Variants in CFAP54 observed in about 807,000 individuals in gnomAD.
The protein encoded by CFAP54 is cilia and flagella associated protein 54.
CFAP54 carries 290 observed loss-of-function variants against 370.4 expected under a neutral mutation model. The ratio of observed to expected loss-of-function variants is 0.78; its 90% CI spans 0.71 to 0.86. The LOEUF (loss-of-function observed/expected upper bound fraction) is 0.86, where lower values mean the gene tolerates loss of function less well. Among genes scored for constraint, CFAP54 ranks in the 40% least tolerant of loss-of-function variants. CFAP54 has a pLI of 0.00. For missense variants in CFAP54, 3,399 were observed against 3,528.7 expected (o/e 0.96, Z 0.93); for synonymous variants, 1,206 against 1,236.5 (o/e 0.98, Z 0.52).
At chr12:96,583,941 C>A (rs1395493711) in intron 22 of CFAP54, among the ~76,000 whole-genome samples, 1 of 152,086 alleles carries the variant, frequency 6.6e-6, no homozygotes, top group Non-Finnish European at 1.5e-5. Flanking sequence ...TCTTTTTATT[C>A]TCTCCCTGTG....
intron 66 of CFAP54, among the ~76,000 whole-genome samples, chr12:96,849,011 A>T (rs1959457832): frequency 6.6e-6 from 1 of 152,318 alleles, no homozygotes; most frequent in African/African-American, 2.4e-5. Context: ...GGTCCCTCTC[A>T]TCTGGAACCT....
chr12:96,714,958 C>T (rs370684016), intron 48 of CFAP54, among the ~76,000 whole-genome samples: 1 of 152,052 alleles, frequency 6.6e-6, no homozygotes, highest in Non-Finnish European at 1.5e-5. Flanking sequence ...CCCTACATGG[C>T]AACATAAAAT....
intron 51 of CFAP54, among the ~76,000 whole-genome samples, chr12:96,740,950 A>G (rs143080696): frequency 1.5e-3 from 235 of 152,314 alleles, no homozygotes; most frequent in Middle Eastern, 3.4e-3. Flanking sequence ...ATCTGGCCCT[A>G]AATAGGTCAG....
At chr12:96,558,903 T>C (rs10860053) in intron 17 of CFAP54, among the ~76,000 whole-genome samples, 13,994 of 152,148 alleles carry the variant, frequency 0.092, 1,113 homozygotes, top group East Asian at 0.45. Flanking sequence ...AAAAAGCTTC[T>C]GCCCAGCAAA....
intron 17 of CFAP54, among the ~76,000 whole-genome samples, chr12:96,555,602 T>C (rs1664612918): frequency 6.7e-6 from 1 of 149,240 alleles, no homozygotes; most frequent in South Asian, 2.1e-4. Context: ...GTAATTATAT[T>C]TCTATACAAC....
At chr12:96,695,040 A>AC (rs1304443914) in intron 45 of CFAP54, among the ~76,000 whole-genome samples, 1 of 152,144 alleles carries the variant, frequency 6.6e-6, no homozygotes, top group Non-Finnish European at 1.5e-5. Context: ...AAAAACAAAA[A>AC]AAAACAAAAA....
chr12:96,840,886 G>T (rs535406205), intron 66 of CFAP54, among the ~76,000 whole-genome samples: 262 of 152,136 alleles, frequency 1.7e-3, no homozygotes, highest in Non-Finnish European at 3.0e-3. Flanking sequence ...TGTCAAATTT[G>T]GCTAAGGGAA....
chr12:96,589,643 TA>T (rs1956106647), intron 23 of CFAP54, 80 bp downstream of exon 23: 1 of 889,356 alleles, frequency 1.1e-6, no homozygotes, highest in Non-Finnish European at 1.7e-6. Context: ...GAATTATTTT[TA>T]ATATCATGTT....
chr12:96,750,849 C>G (rs1487793969), intron 55 of CFAP54, among the ~76,000 whole-genome samples: 1 of 152,184 alleles, frequency 6.6e-6, no homozygotes, highest in African/African-American at 2.4e-5. Flanking sequence ...CCCAAAGCAG[C>G]TTTTCTGTCA....
Position 96,518,994 on chromosome 12 carries a change from T to C in CFAP54, c.865T>C (p.Tyr289His), listed in dbSNP as rs1462229542. The C allele has an allele frequency of 6.5e-7, 1 of 1,535,988 alleles. No individual in the cohort carries two copies. The highest frequency in any genetic ancestry group is 2.4e-5 in the East Asian group (1 of 40,910). Residue 289 changes from tyrosine to histidine, a missense_variant, in exon 6 of 68, where the codon TAC becomes CAC. Coordinates refer to ENST00000524981, the MANE Select transcript of CFAP54 (RefSeq NM_001306084.2). ...CTTGGTCCCGCTCCTGTCACTCAGG[T>C]ACTTGACATGGCGCGCTACTCTCTA... The part of the protein sequence containing the change: ...ESLVPLLSLR[Y>H]LTWRATLYTA...
intron 1 of CFAP54, among the ~76,000 whole-genome samples, chr12:96,491,146 A>G (rs1312668895): frequency 2.0e-5 from 3 of 152,006 alleles, no homozygotes; most frequent in African/African-American, 7.2e-5. Context: ...GAGTGTTGCA[A>G]TTTTAAATGG....
In CFAP54 at chr12:96,554,754, AT is replaced by A; in HGVS notation, c.2364del (p.Gln789LysfsTer6). The A allele has an allele frequency of 6.5e-7, 1 of 1,535,028 alleles. No individual in the cohort carries two copies. Among genetic ancestry groups the A allele is most frequent in the Non-Finnish European group, 8.7e-7 (1 of 1,146,160 alleles). On this transcript the variant is annotated frameshift_variant, in exon 17 of 68. Transcript: ENST00000524981. LOFTEE classifies it high-confidence loss of function. ...CATGATGGATTTGCATCTTGAACTA[AT>A]TCAAGCTCAGCATCGAATAGCTGTT... ...SFMMDLHLEL[I>X]QAQHRIAVVL...
At chr12:96,582,039 G>A (rs751033529) in intron 22 of CFAP54, among the ~76,000 whole-genome samples, 4 of 152,128 alleles carry the variant, frequency 2.6e-5, no homozygotes, top group Non-Finnish European at 4.4e-5. Flanking sequence ...AGTAGAGGCA[G>A]AGAGACCTGA....
At chr12:96,490,001 G>T in intron 1 of CFAP54, 75 bp downstream of exon 1, 1 of 1,362,254 alleles carries the variant, frequency 7.3e-7, no homozygotes, top group South Asian at 1.4e-5. Flanking sequence ...GGATGCAGGT[G>T]GTGGCCCCAG....
chr12:96,601,327 G>A (rs936664476), intron 26 of CFAP54, among the ~76,000 whole-genome samples: 9 of 152,164 alleles, frequency 5.9e-5, no homozygotes, highest in African/African-American at 2.2e-4. Flanking sequence ...TGGTGGATAA[G>A]CTTTTTGATG....
chr12:96,860,134 ATTTTTT>A (rs137937553), intron 66 of CFAP54, among the ~76,000 whole-genome samples: 4,997 of 127,950 alleles, frequency 0.039, 246 homozygotes, highest in African/African-American at 0.12. Context: ...TTGTTCTCTA[ATTTTTT>A]TTTTTTTTTT....
intron 36 of CFAP54, among the ~76,000 whole-genome samples, chr12:96,656,466 C>T (rs1956924539): frequency 1.3e-5 from 2 of 152,204 alleles, no homozygotes; most frequent in Non-Finnish European, 2.9e-5. Flanking sequence ...CAACCTCCAC[C>T]TCCTGGGTTC....
chr12:96,806,078 G>A (rs974047224), intron 63 of CFAP54, among the ~76,000 whole-genome samples: 1 of 144,390 alleles, frequency 6.9e-6, no homozygotes, highest in Non-Finnish European at 1.5e-5. Context: ...GATGGGTAAG[G>A]GTTGAAAAAT....
At chr12:96,614,540 A>C (rs1035739026) in intron 26 of CFAP54, among the ~76,000 whole-genome samples, 48 of 152,190 alleles carry the variant, frequency 3.2e-4, no homozygotes, top group African/African-American at 1.2e-3. Flanking sequence ...AAAGAAATAA[A>C]GGGTATTCAA....
Sources: gnomAD v4.1 joint callset for allele counts (sites outside exome capture counted in the v4.1 genomes callset) on GRCh38, gnomAD v4.1.1 for gene constraint, MANE v1.5 for transcripts, NCBI Gene and HGNC (gene_info 2026-07-23, HGNC 2026-07-21) for gene names.